Variants in CADM3 observed in about 807,000 individuals in gnomAD.
The protein encoded by CADM3 is cell adhesion molecule 3, also known as TSLC1-like 1.
A neutral mutation model predicts 44.9 loss-of-function variants in CADM3; 11 were observed. The observed-to-expected ratio is 0.25, with a 90% CI of 0.15 to 0.41. CADM3 has a LOEUF of 0.41. Ranked by LOEUF, CADM3 falls within the 10% of genes least tolerant of loss-of-function variation. CADM3 has a pLI of 1.00. For missense variants in CADM3, 426 were observed against 512.0 expected (o/e 0.83, Z 1.62); for synonymous variants, 207 against 205.2 (o/e 1.01, Z -0.08).
chr1:159,189,902 T>G, intron 1 of CADM3: 5 of 1,438,086 alleles, frequency 3.5e-6, no homozygotes, highest in Non-Finnish European at 4.8e-6. Context: ...CATCTCAATG[T>G]CCCTCAGTTC....
In CADM3 at chr1:159,196,938, AGAT is replaced by A. The variant is rs771897897; in HGVS notation, c.833_835del (p.Met278del). The A allele has an allele frequency of 1.2e-6, 2 of 1,613,992 alleles. No homozygotes were observed. Among genetic ancestry groups the A allele is most frequent in the Non-Finnish European group, 1.7e-6 (2 of 1,180,024 alleles). ...AAGGAGGGCAGTGTGCCACCCCTGA[AGAT>A]GACCCAGGAGAGTGCCCTGATCTTC... is the stretch of plus-strand genomic sequence containing the variant. On this transcript the variant is annotated inframe_deletion, in exon 7 of 9. Coordinates refer to ENST00000368125, the MANE Select transcript of CADM3 (RefSeq NM_001127173.3).
rs759044860 is a variant in CADM3 at position 159,189,754 on chromosome 1, G to A, written c.89-2182G>A. The A allele has an allele frequency of 6.3e-6, 10 of 1,584,092 alleles. No individual in the cohort carries two copies. The African/African-American group carries it at 9.4e-5, about 15-fold the overall frequency. ...GATACATGTAGGGCTCATGCTTGAT[G>A]GAGATTCTCTCCCCAGGCTACTGGC... On this transcript the variant is annotated intron_variant, in intron 1 of 8. Coordinates refer to ENST00000368125, the MANE Select transcript of CADM3 (RefSeq NM_001127173.3).
chr1:159,199,130 C>T (rs1650035530), intron 7 of CADM3, among the ~76,000 whole-genome samples: 1 of 152,032 alleles, frequency 6.6e-6, no homozygotes, highest in Non-Finnish European at 1.5e-5. Flanking sequence ...GTGCCTAATT[C>T]TTGGCTCTAT....
chr1:159,174,711 T>C (rs1648955659), intron 1 of CADM3, among the ~76,000 whole-genome samples: 2 of 152,200 alleles, frequency 1.3e-5, no homozygotes, highest in Non-Finnish European at 2.9e-5. Context: ...GTAAGACATT[T>C]AGAATGTCCC....
At position 159,171,825 on chromosome 1, in the gene CADM3, G is replaced by A. The variant is rs1376445514; in HGVS notation, c.60G>A (p.Ala20=). ...LLLLLFACCW[A]PGGANLSQDD... ...TCCTGCTGTTCGCCTGCTGCTGGGCGCCCGGCGGGGCCAACCTCTCCCAGG... is the reference window on the plus strand; with the variant it reads ...TCCTGCTGTTCGCCTGCTGCTGGGCACCCGGCGGGGCCAACCTCTCCCAGG... Residue 20 remains alanine (A), a synonymous_variant, in exon 1 of 9, where the codon GCG becomes GCA. Transcript: ENST00000368125. 1 of 1,245,388 alleles carries A rather than the reference G, an allele frequency of 8.0e-7. No homozygotes were observed. Among genetic ancestry groups the A allele is most frequent in the Non-Finnish European group, 1.0e-6 (1 of 993,444 alleles). The allele number at this position is 1,245,388 out of a possible 1,614,324, so 77.1% of individuals were successfully genotyped here. A position where few individuals can be genotyped will look rare whatever the true frequency, so the allele number is the denominator to read the frequency against.
intron 7 of CADM3, among the ~76,000 whole-genome samples, chr1:159,198,472 C>G (rs1450636935): frequency 6.6e-6 from 1 of 152,134 alleles, no homozygotes; most frequent in Non-Finnish European, 1.5e-5. Context: ...CATAGATTTC[C>G]TGGACTCATC....
At chr1:159,181,736 G>A (rs1649235796) in intron 1 of CADM3, among the ~76,000 whole-genome samples, 1 of 152,184 alleles carries the variant, frequency 6.6e-6, no homozygotes. Flanking sequence ...TTGGGGGCCA[G>A]CCCAGGGCTC....
intron 1 of CADM3, among the ~76,000 whole-genome samples, chr1:159,180,513 C>G (rs1233996467): frequency 1.3e-5 from 2 of 152,004 alleles, no homozygotes; most frequent in Admixed American, 1.3e-4. Flanking sequence ...ATCTATTTCA[C>G]AGAAGAGTGA....
rs542186218 is a variant in CADM3, at chr1:159,202,999, G to A, written c.*2077G>A. On this transcript the variant is annotated 3_prime_UTR_variant, in exon 9 of 9. Transcript: ENST00000368125. ...TGTACGGGGGGGTGGGAGGGAGAGG[G>A]GCTGTTGTGCTGTGTGTGTCTGTCC... 1.5e-5 allele frequency: 2 copies of A among 131,188 alleles called. No individual in the cohort carries two copies. Among genetic ancestry groups the A allele is most frequent in the Admixed American group, 1.7e-4 (2 of 11,916 alleles). 8.1% of individuals were successfully genotyped at this position (131,188 alleles called of 1,614,324 possible).
At chr1:159,197,723 A>T (rs1300012190) in intron 7 of CADM3, 1 of 152,210 alleles carries the variant, frequency 6.6e-6, no homozygotes, top group Non-Finnish European at 1.5e-5. Flanking sequence ...TGAAGATCCC[A>T]ATGGCTGTGG....
chr1:159,199,103 C>T (rs74813545), intron 7 of CADM3, among the ~76,000 whole-genome samples: 191 of 152,102 alleles, frequency 1.3e-3, no homozygotes, highest in African/African-American at 4.4e-3. Flanking sequence ...TATCATCTTT[C>T]GTAAGGTGCT....
rs1571031547 is a variant in CADM3 at position 159,201,017 on chromosome 1, C to T, written c.*95C>T. On this transcript the variant is annotated 3_prime_UTR_variant, in exon 9 of 9. Coordinates refer to ENST00000368125, the MANE Select transcript of CADM3 (RefSeq NM_001127173.3). ...CTTGTACAGAGCAACCGCAGGGCCG[C>T]CCCTCCCGCTTGCTCCCCAGCCCAC... is the stretch of plus-strand genomic sequence containing the variant. 7.5e-6 allele frequency: 6 copies of T among 799,922 alleles called. No individual in the cohort carries two copies. The highest frequency in any genetic ancestry group is 1.1e-5 in the Non-Finnish European group (6 of 529,922). The allele number at this position is 799,922 out of a possible 1,614,324, so 49.6% of individuals were successfully genotyped here.
chr1:159,194,600 G>A (rs917405618), intron 5 of CADM3: 10 of 152,226 alleles, frequency 6.6e-5, no homozygotes, highest in African/African-American at 2.4e-4. Context: ...TTTTATCTTG[G>A]TTTAACAATT....
In CADM3 at chr1:159,196,362, AG is replaced by A; in HGVS notation, c.692-1del. On this transcript the variant is annotated splice_acceptor_variant, in intron 5 of 8. Transcript: ENST00000368125. LOFTEE classifies it high-confidence loss of function. ...TCATTGATACCATTTCCTTCTCCACAGACACACCAACTGCGATGATTAGGCC... is the reference window on the plus strand; with the variant it reads ...TCATTGATACCATTTCCTTCTCCACAACACACCAACTGCGATGATTAGGCC... 1 of 1,613,826 alleles carries A rather than the reference AG, an allele frequency of 6.2e-7. No individual in the cohort carries two copies. The highest frequency in any genetic ancestry group is 8.5e-7 in the Non-Finnish European group (1 of 1,179,724).
At chr1:159,200,493 TACAC>T (rs138169348) in intron 8 of CADM3, among the ~76,000 whole-genome samples, 38 of 148,736 alleles carry the variant, frequency 2.6e-4, no homozygotes, top group African/African-American at 7.0e-4. Context: ...CACGCATGCA[TACAC>T]ACACACACGC....
At chr1:159,199,133 G>T (rs1045194405) in intron 7 of CADM3, among the ~76,000 whole-genome samples, 1 of 151,962 alleles carries the variant, frequency 6.6e-6, no homozygotes, top group Non-Finnish European at 1.5e-5. Context: ...CCTAATTCTT[G>T]GCTCTATCAG....
intron 1 of CADM3, among the ~76,000 whole-genome samples, chr1:159,184,573 C>T (rs1649348168): frequency 3.9e-5 from 6 of 152,166 alleles, no homozygotes; most frequent in Admixed American, 3.9e-4. Flanking sequence ...CCTCCTGTTC[C>T]ACCATCTGAC....
At chr1:159,199,908 T>G (rs950458114) in intron 8 of CADM3, 32 bp downstream of exon 8, 5 of 1,608,862 alleles carry the variant, frequency 3.1e-6, no homozygotes, top group Non-Finnish European at 4.2e-6. Flanking sequence ...TCAGCAGAAC[T>G]TGGGAGGGGC....
intron 1 of CADM3, 142 bp from the exon 2 acceptor site, chr1:159,191,794 C>G: frequency 1.1e-6 from 1 of 892,940 alleles, no homozygotes; most frequent in South Asian, 1.7e-5. Flanking sequence ...TTTTCCTTCC[C>G]CCATGAAACC....
Sources: gnomAD v4.1 joint callset for allele counts (sites outside exome capture counted in the v4.1 genomes callset) on GRCh38, gnomAD v4.1.1 for gene constraint, MANE v1.5 for transcripts, NCBI Gene and HGNC (gene_info 2026-07-23, HGNC 2026-07-21) for gene names.